The following ALDH1A3 variants were observed in gnomAD, a reference collection of about 807,000 sequenced individuals.
ALDH1A3 encodes aldehyde dehydrogenase 1 family member A3.
A neutral mutation model predicts 57.5 loss-of-function variants in ALDH1A3; 28 were observed. That is an observed-to-expected ratio of 0.49 (90% CI 0.36 to 0.67). The LOEUF is 0.67. Ranked by LOEUF, ALDH1A3 falls within the 30% of genes least tolerant of loss-of-function variation. The probability of loss-of-function intolerance (pLI) is 0.00; values close to 1 mark genes in which losing one functional copy is unlikely to be tolerated. For synonymous variants in ALDH1A3, 281 were observed against 264.8 expected (o/e 1.06, Z -0.59); for missense variants, 507 against 669.4 (o/e 0.76, Z 2.68).
chr15:100,891,443 G>T (rs1388747258), intron 3 of ALDH1A3, among the ~76,000 whole-genome samples: 1 of 152,238 alleles, frequency 6.6e-6, no homozygotes, highest in Non-Finnish European at 1.5e-5. Context: ...TCCAGGAGCA[G>T]CCTGTAAAGG....
chr15:100,908,667 C>T (rs540250384), intron 12 of ALDH1A3, among the ~76,000 whole-genome samples, 185 bp downstream of exon 12: 146 of 152,310 alleles, frequency 9.6e-4, no homozygotes, highest in African/African-American at 3.3e-3. Flanking sequence ...GCCCACCCTT[C>T]CCACTTACAT....
At chr15:100,899,701 G>A (rs2041746917) in intron 8 of ALDH1A3, among the ~76,000 whole-genome samples, 1 of 152,168 alleles carries the variant, frequency 6.6e-6, no homozygotes, top group Non-Finnish European at 1.5e-5. Context: ...CAAGGGTGCA[G>A]AGAGGTACCC....
At chr15:100,905,934 G>C (rs2041818270) in intron 10 of ALDH1A3, among the ~76,000 whole-genome samples, 2 of 152,080 alleles carry the variant, frequency 1.3e-5, no homozygotes, top group Non-Finnish European at 1.5e-5. Flanking sequence ...GTTCTAGCTA[G>C]TTTTCACTCA....
At chr15:100,890,578 T>C (rs1016509563) in intron 3 of ALDH1A3, among the ~76,000 whole-genome samples, 1 of 152,336 alleles carries the variant, frequency 6.6e-6, no homozygotes, top group East Asian at 1.9e-4. Flanking sequence ...TGTACCTGGC[T>C]TGTTGACCTG....
chr15:100,913,192 C>T (rs1381589436), intron 12 of ALDH1A3: 1 of 152,154 alleles, frequency 6.6e-6, no homozygotes, highest in African/African-American at 2.4e-5. Flanking sequence ...TGTCTGGGCC[C>T]CACCATAGAG....
At chr15:100,911,090 T>C (rs1210774438) in intron 12 of ALDH1A3, among the ~76,000 whole-genome samples, 1 of 152,292 alleles carries the variant, frequency 6.6e-6, no homozygotes, top group Non-Finnish European at 1.5e-5. Flanking sequence ...CCTTGGCCTA[T>C]ATTTTCTCAA....
rs1468435826 is a variant in ALDH1A3, at chr15:100,912,984, C to G, written c.1467-1717C>G. 3.6e-5 allele frequency among the ~76,000 whole-genome samples: 2 copies of G among 54,812 alleles called. 1 individual carries two copies. Among genetic ancestry groups the G allele is most frequent in the Admixed American group, 3.4e-4 (2 of 5,938 alleles). The allele number at this position is 54,812 out of a possible 152,430, so 36.0% of individuals were successfully genotyped here. The stretch of plus-strand genomic sequence containing the variant: ...CCATCCTGGCTAACAAGGTGAAACC[C>G]CGTCTCTACTAAAAATACAAAAAAT... On this transcript the variant is annotated intron_variant, in intron 12 of 12. Transcript: ENST00000329841.
chr15:100,894,396 T>A lies in ALDH1A3; in HGVS notation c.666+314T>A, dbSNP rs2041680203. 7.6e-6 allele frequency: 2 copies of A among 264,560 alleles called. No individual in the cohort carries two copies. Among genetic ancestry groups the A allele is most frequent in the Non-Finnish European group, 1.5e-5 (2 of 137,726 alleles). The allele number at this position is 264,560 out of a possible 1,614,324, so 16.4% of individuals were successfully genotyped here. ...GGTCAACCAAGAGGGAGCCAAATATTTGGGAGGTTCTCTGGGATTTGCATT... is the reference window on the plus strand; with the variant it reads ...GGTCAACCAAGAGGGAGCCAAATATATGGGAGGTTCTCTGGGATTTGCATT... On this transcript the variant is annotated intron_variant, in intron 6 of 12. Coordinates refer to ENST00000329841, the MANE Select transcript of ALDH1A3 (RefSeq NM_000693.4). This position sits in a 1 kb window ranked among gnomAD's most constrained non-coding sequence, Gnocchi z 4.5.
chr15:100,900,404 C>T (rs1002206938), intron 8 of ALDH1A3, among the ~76,000 whole-genome samples, 171 bp from the exon 9 acceptor site: 3 of 152,178 alleles, frequency 2.0e-5, no homozygotes, highest in Non-Finnish European at 4.4e-5. Context: ...TCCTTTCTCC[C>T]TTCCTCTCTA....
chr15:100,885,201 C>T lies in ALDH1A3; in HGVS notation c.100-66C>T, dbSNP rs953312916. 15 of 1,167,052 alleles carry T rather than the reference C, an allele frequency of 1.3e-5. No individual in the cohort carries two copies. The Admixed American group carries it at 2.0e-4, about 16-fold the overall frequency. 72.3% of individuals were successfully genotyped at this position (1,167,052 alleles called of 1,614,324 possible). A position where few individuals can be genotyped will look rare whatever the true frequency, so the allele number is the denominator to read the frequency against. ...GATGGATAAGACGTCACCTAAGGTCCTTAGCATGTTGAAATTATATGATTT... is the reference window on the plus strand; with the variant it reads ...GATGGATAAGACGTCACCTAAGGTCTTTAGCATGTTGAAATTATATGATTT... On this transcript the variant is annotated intron_variant, in intron 1 of 12. Coordinates refer to ENST00000329841, the MANE Select transcript of ALDH1A3 (RefSeq NM_000693.4).
intron 3 of ALDH1A3, among the ~76,000 whole-genome samples, chr15:100,888,176 G>T (rs190285417): frequency 6.6e-6 from 1 of 152,178 alleles, no homozygotes; most frequent in East Asian, 1.9e-4. Context: ...TCGGCTCACT[G>T]CAGCCTCTGC....
intron 9 of ALDH1A3, among the ~76,000 whole-genome samples, chr15:100,901,271 G>T (rs1198158781): frequency 6.6e-6 from 1 of 152,176 alleles, no homozygotes; most frequent in Non-Finnish European, 1.5e-5. Context: ...GGATGAAAAT[G>T]ATCATAACCA....
chr15:100,880,263 G>A (rs2041533592), intron 1 of ALDH1A3: 1 of 387,424 alleles, frequency 2.6e-6, no homozygotes, highest in Non-Finnish European at 4.6e-6. Context: ...GCGCGGGGCC[G>A]GGCCGCCCGC....
intron 12 of ALDH1A3, among the ~76,000 whole-genome samples, chr15:100,908,704 G>A (rs931186178): frequency 6.6e-6 from 1 of 152,086 alleles, no homozygotes; most frequent in African/African-American, 2.4e-5. Context: ...TCCAGGCCTC[G>A]GCTTTTGTGT....
In ALDH1A3 at chr15:100,900,563, C is replaced by T; in HGVS notation, c.884-12C>T. 2 of 1,570,874 alleles carry T rather than the reference C, an allele frequency of 1.3e-6. No homozygotes were observed. Among genetic ancestry groups the T allele is most frequent in the Non-Finnish European group, 1.7e-6 (2 of 1,156,654 alleles). ...CTCGCTCTGCCCGCCTCCCTCGCCC[C>T]TCCCCCTCCAGTGGACTTGGCAGTG... On this transcript the variant is annotated splice_polypyrimidine_tract_variant and intron_variant, in intron 8 of 12. Coordinates refer to ENST00000329841, the MANE Select transcript of ALDH1A3 (RefSeq NM_000693.4).
intron 12 of ALDH1A3, chr15:100,914,051 A>G (rs1360079411): frequency 6.6e-6 from 1 of 152,304 alleles, no homozygotes; most frequent in Non-Finnish European, 1.5e-5. Flanking sequence ...GATTTAAAGA[A>G]AGGAACTATA....
chr15:100,880,298 C>T, intron 1 of ALDH1A3: 1 of 378,154 alleles, frequency 2.6e-6, no homozygotes, highest in Non-Finnish European at 4.7e-6. Context: ...CCGACGTGTC[C>T]CTGCGCTGCC....
At chr15:100,895,855 C>T (rs1400574619) in intron 6 of ALDH1A3, 78 bp from the exon 7 acceptor site, 8 of 1,279,108 alleles carry the variant, frequency 6.3e-6, no homozygotes, top group African/African-American at 4.4e-5. Flanking sequence ...GAGGCAGCCA[C>T]GGCTCTCTCG....
rs1483312494 is a variant in ALDH1A3 at position 100,879,991 on chromosome 15, G to A, written c.84G>A (p.Glu28=). ...TGCCGCGCCCCATCCGCAACCTGGA[G>A]GTCAAGTTCACCAAGGTGAGGCGGG... ...PALPRPIRNL[E]VKFTKIFINN... Residue 28 remains glutamate (E), a synonymous_variant, in exon 1 of 13, where the codon GAG becomes GAA. Coordinates refer to ENST00000329841, the MANE Select transcript of ALDH1A3 (RefSeq NM_000693.4). 6 of 1,470,814 alleles carry A rather than the reference G, an allele frequency of 4.1e-6. No homozygotes were observed. Among genetic ancestry groups the A allele is most frequent in the Non-Finnish European group, 5.4e-6 (6 of 1,108,576 alleles). 91.1% of individuals were successfully genotyped at this position (1,470,814 alleles called of 1,614,324 possible).
Sources: gnomAD v4.1 joint callset for allele counts (sites outside exome capture counted in the v4.1 genomes callset) on GRCh38, gnomAD v4.1.1 for gene constraint, Gnocchi (gnomAD v3.1) non-coding constraint, MANE v1.5 for transcripts, NCBI Gene and HGNC (gene_info 2026-07-23, HGNC 2026-07-21) for gene names.